The following MFSD6 variants were observed in gnomAD, a reference collection of about 807,000 sequenced individuals.
The protein encoded by MFSD6 is major facilitator superfamily domain containing 6, also known as major facilitator superfamily domain-containing protein 6.
In MFSD6, 26 loss-of-function variants were observed where a neutral mutation model predicts 56.3. The observed-to-expected ratio is 0.46, with a 90% CI of 0.34 to 0.64. The LOEUF is 0.64. Among genes scored for constraint, MFSD6 ranks in the 30% least tolerant of loss-of-function variants. MFSD6 has a pLI of 0.01. For missense variants in MFSD6, 750 were observed against 986.2 expected (o/e 0.76, Z 3.21); for synonymous variants, 331 against 366.9 (o/e 0.90, Z 1.12).
Position 190,496,076 on chromosome 2 carries a change from C to G in MFSD6, c.1892-1363C>G, listed in dbSNP as rs1473895403. 6.6e-6 allele frequency among the ~76,000 whole-genome samples: 1 copy of G among 151,808 alleles called. No homozygotes were observed. The highest frequency in any genetic ancestry group is 1.5e-5 in the Non-Finnish European group (1 of 67,912). On this transcript the variant is annotated intron_variant, in intron 6 of 7. Transcript: ENST00000392328. The surrounding 1 kb of genome is among the most constrained non-coding windows in gnomAD (Gnocchi z 4.7). The stretch of plus-strand genomic sequence containing the variant: ...GACAACCCACAGAGTGGGAGAAAAT[C>G]TTCAGTCTATATATCCGACAAAGGA...
At chr2:190,477,169 C>T (rs1233071568) in intron 4 of MFSD6, 12 of 767,532 alleles carry the variant, frequency 1.6e-5, no homozygotes, top group South Asian at 6.0e-5. Flanking sequence ...CAAACCTGCA[C>T]GTTGTGCACA....
intron 3 of MFSD6, among the ~76,000 whole-genome samples, chr2:190,446,629 T>C (rs1489348226): frequency 1.3e-5 from 2 of 152,146 alleles, no homozygotes; most frequent in South Asian, 2.1e-4. Context: ...CATTCATTTA[T>C]AAAGAAGCTA....
chr2:190,436,169 C>T lies in MFSD6; in HGVS notation c.140C>T (p.Ser47Phe). ...GAAACACCTTCCTCCACAGAAACAT[C>T]TGCTATTCCTGAGGAGGAAATAGAC... The part of the protein sequence containing the change: ...SNETPSSTET[S>F]AIPEEEIDWI... The change falls in exon 3 of 8, where the codon TCT (serine) becomes TTT (phenylalanine). Residue 47 changes from serine (S) to phenylalanine (F), a missense_variant. Coordinates refer to ENST00000392328, the MANE Select transcript of MFSD6 (RefSeq NM_017694.4). The surrounding 1 kb of genome is among the most constrained non-coding windows in gnomAD (Gnocchi z 5.3). 6.2e-7 allele frequency: 1 copy of T among 1,614,152 alleles called. No homozygotes were observed. The highest frequency in any genetic ancestry group is 8.5e-7 in the Non-Finnish European group (1 of 1,179,964).
At chr2:190,470,263 C>G (rs1687841274) in intron 4 of MFSD6, among the ~76,000 whole-genome samples, 1 of 152,120 alleles carries the variant, frequency 6.6e-6, no homozygotes, top group Non-Finnish European at 1.5e-5. Flanking sequence ...TATTTTATCT[C>G]TTCAGTTATT....
chr2:190,411,114 G>T, intron 1 of MFSD6: 1 of 981,886 alleles, frequency 1.0e-6, no homozygotes. Flanking sequence ...GTTTAAACCT[G>T]CATACAGGCA....
At chr2:190,478,296 G>T (rs1688458510) in intron 4 of MFSD6, among the ~76,000 whole-genome samples, 1 of 152,158 alleles carries the variant, frequency 6.6e-6, no homozygotes, top group South Asian at 2.1e-4. Context: ...TCTGTGGCCA[G>T]TTTCCACAGA....
In MFSD6 at chr2:190,413,380, G is replaced by T. The variant is rs540446152; in HGVS notation, c.-175-1912G>T. Among the ~76,000 whole-genome samples, 3 of 152,294 alleles carry T rather than the reference G, an allele frequency of 2.0e-5. No individual in the cohort carries two copies. Among genetic ancestry groups the T allele is most frequent in the Non-Finnish European group, 2.9e-5 (2 of 68,024 alleles). On this transcript the variant is annotated intron_variant, in intron 1 of 7. Transcript: ENST00000392328. This position sits in a 1 kb window ranked among gnomAD's most constrained non-coding sequence, Gnocchi z 4.1. ...AGATGTGGAAAAAAATTGAATTAAG[G>T]GGGGCAGAGATGTCTTTCTTTGACA...
intron 3 of MFSD6, among the ~76,000 whole-genome samples, chr2:190,449,890 G>A (rs1409690451): frequency 8.5e-5 from 13 of 152,050 alleles, no homozygotes; most frequent in Non-Finnish European, 4.4e-5. Context: ...GGGAGGAATA[G>A]CTTTAGGAGA....
rs1574250539 is a variant in MFSD6, at chr2:190,490,509, G to A, written c.1891+643G>A. On this transcript the variant is annotated intron_variant, in intron 6 of 7. Coordinates refer to ENST00000392328, the MANE Select transcript of MFSD6 (RefSeq NM_017694.4). The surrounding 1 kb of genome is among the most constrained non-coding windows in gnomAD (Gnocchi z 4.5). ...ACCCAGGAGGTGGAGCTTGCAGTGA[G>A]CCGAGATAGCACCACTGCAGTCCAG... Among the ~76,000 whole-genome samples the A allele has an allele frequency of 6.6e-6, 1 of 151,900 alleles. No homozygotes were observed. The highest frequency in any genetic ancestry group is 1.9e-4 in the East Asian group (1 of 5,188).
rs3223133 is a variant in MFSD6, at chr2:190,417,965, G to GTGTGTGT, written c.-54+2552_-54+2553insTGTGTGT. On this transcript the variant is annotated intron_variant, in intron 2 of 7. Transcript: ENST00000392328. This position sits in a 1 kb window ranked among gnomAD's most constrained non-coding sequence, Gnocchi z 5.7. ...CTGACTTTTCATTTAACCCTTTAGT[G>GTGTGTGT]GTGTGTGTGTGTGTGTGTGTGTGTG... is the stretch of plus-strand genomic sequence containing the variant. Among the ~76,000 whole-genome samples the GTGTGTGT allele has an allele frequency of 6.9e-6, 1 of 144,612 alleles. No individual in the cohort carries two copies. Among genetic ancestry groups the GTGTGTGT allele is most frequent in the Admixed American group, 6.9e-5 (1 of 14,466 alleles). The allele number at this position is 144,612 out of a possible 152,430, so 94.9% of individuals were successfully genotyped here.
chr2:190,411,884 T>C (rs1365521523), intron 1 of MFSD6: 1 of 985,304 alleles, frequency 1.0e-6, no homozygotes, highest in Non-Finnish European at 1.2e-6. Context: ...GATAAGAATT[T>C]CTTTCTTCCT....
intron 4 of MFSD6, among the ~76,000 whole-genome samples, chr2:190,486,460 C>T (rs1689013821): frequency 2.0e-5 from 3 of 152,226 alleles, no homozygotes; most frequent in Non-Finnish European, 2.9e-5. Context: ...GCTCCCTAGA[C>T]TCTTGGCTAG....
At chr2:190,448,635 GATTTACATAT>G (rs1358848772) in intron 3 of MFSD6, among the ~76,000 whole-genome samples, 3 of 152,142 alleles carry the variant, frequency 2.0e-5, no homozygotes, top group Non-Finnish European at 4.4e-5. Context: ...TATTTTTATG[GATTTACATAT>G]ATATAAAGAC....
chr2:190,448,977 T>A (rs1279771045), intron 3 of MFSD6, among the ~76,000 whole-genome samples: 3 of 152,254 alleles, frequency 2.0e-5, no homozygotes, highest in African/African-American at 7.2e-5. Flanking sequence ...TGTGCATAGT[T>A]ATAGCTGTAT....
In MFSD6 at chr2:190,410,557, T is replaced by C. The variant is rs189020467; in HGVS notation, c.-176+2054T>C. Among the ~76,000 whole-genome samples, 128 of 152,362 alleles carry C rather than the reference T, an allele frequency of 8.4e-4. 1 individual carries two copies. The highest frequency in any genetic ancestry group is 4.6e-3 in the South Asian group (22 of 4,834). On this transcript the variant is annotated intron_variant, in intron 1 of 7. Coordinates refer to ENST00000392328, the MANE Select transcript of MFSD6 (RefSeq NM_017694.4). The surrounding 1 kb of genome is among the most constrained non-coding windows in gnomAD (Gnocchi z 4.4). ...GGATAATTTATATATTTATTACGTA[T>C]GTATATTAATGTGTGTATGTTTACC...
Position 190,499,959 on chromosome 2 carries a change from A to G in MFSD6, c.2173-56A>G, listed in dbSNP as rs192198619. 6.2e-7 allele frequency: 1 copy of G among 1,607,024 alleles called. No homozygotes were observed. The highest frequency in any genetic ancestry group is 1.7e-5 in the Admixed American group (1 of 59,926). Reference sequence around the variant, plus strand: ...GTCTTACTTGAAAGCATATATAAAAAGTTGGATTTATTTGCTATCACTGAT... The same window carrying G: ...GTCTTACTTGAAAGCATATATAAAAGGTTGGATTTATTTGCTATCACTGAT... On this transcript the variant is annotated intron_variant, in intron 7 of 7. Transcript: ENST00000392328. This position sits in a 1 kb window ranked among gnomAD's most constrained non-coding sequence, Gnocchi z 6.0.
rs1432898329 is a variant in MFSD6, at chr2:190,412,684, G to C, written c.-175-2608G>C. 3.2e-6 allele frequency: 3 copies of C among 924,000 alleles called. No individual in the cohort carries two copies. The highest frequency in any genetic ancestry group is 1.2e-4 in the East Asian group (1 of 8,480). The allele number at this position is 924,000 out of a possible 1,614,324, so 57.2% of individuals were successfully genotyped here. A position where few individuals can be genotyped will look rare whatever the true frequency, so the allele number is the denominator to read the frequency against. On this transcript the variant is annotated intron_variant, in intron 1 of 7. Transcript: ENST00000392328. This position sits in a 1 kb window ranked among gnomAD's most constrained non-coding sequence, Gnocchi z 4.1. ...CATGTTTAATTATCCAACATTAGCT[G>C]TCTGTTCCCATTTACTCTACTGGCA...
Position 190,457,079 on chromosome 2 carries a change from G to C in MFSD6, c.1533-12679G>C, listed in dbSNP as rs934693843. Among the ~76,000 whole-genome samples, 10 of 152,140 alleles carry C rather than the reference G, an allele frequency of 6.6e-5. No individual in the cohort carries two copies. The highest frequency in any genetic ancestry group is 1.2e-4 in the Non-Finnish European group (8 of 68,028). On this transcript the variant is annotated intron_variant, in intron 3 of 7. Transcript: ENST00000392328. This position sits in a 1 kb window ranked among gnomAD's most constrained non-coding sequence, Gnocchi z 5.1. ...CTATCTACACTAACACTGCTAGTCC[G>C]TTTCTTATGGTCCAATCCAGAGGTA...
In MFSD6 at chr2:190,454,882, G is replaced by A. The variant is rs895653043; in HGVS notation, c.1533-14876G>A. ...GTGGGATGATGGTAGGAGTGAGTCC[G>A]GCAACGGCAAACTTGTATTTTTCTG... is the stretch of plus-strand genomic sequence containing the variant. On this transcript the variant is annotated intron_variant, in intron 3 of 7. Transcript: ENST00000392328. This position sits in a 1 kb window ranked among gnomAD's most constrained non-coding sequence, Gnocchi z 4.6. 3.3e-5 allele frequency among the ~76,000 whole-genome samples: 5 copies of A among 151,966 alleles called. No homozygotes were observed. The highest frequency in any genetic ancestry group is 2.1e-4 in the South Asian group (1 of 4,814).
Sources: gnomAD v4.1 joint callset for allele counts (sites outside exome capture counted in the v4.1 genomes callset) on GRCh38, gnomAD v4.1.1 for gene constraint, Gnocchi (gnomAD v3.1) non-coding constraint, MANE v1.5 for transcripts, NCBI Gene and HGNC (gene_info 2026-07-23, HGNC 2026-07-21) for gene names.